CSTPP1: variants seen among roughly 807,000 people sequenced by gnomAD.
CSTPP1 encodes the protein UPF0705 protein C11orf49.
At chr11:46,993,337 G>T in the CSTPP1 span, among the ~76,000 whole-genome samples, 7 of 151,608 alleles carry the variant, frequency 4.6e-5, no homozygotes, top group Admixed American at 4.6e-4. Context: ...GAATGGTATT[G>T]CCTAGGTTTT....
At chr11:47,046,904 CTTT>C in the CSTPP1 span, among the ~76,000 whole-genome samples, 3 of 112,210 alleles carry the variant, frequency 2.7e-5, no homozygotes, top group Non-Finnish European at 3.9e-5. Flanking sequence ...AATTTCTTTT[CTTT>C]TTTTTTTTTT....
the CSTPP1 span, among the ~76,000 whole-genome samples, chr11:47,045,612 TGATTATGGATCTTATTAAAG>T: frequency 1.3e-5 from 2 of 152,162 alleles, no homozygotes; most frequent in African/African-American, 4.8e-5. Context: ...TTCAGATAAG[TGATTATGGATCTTATTAAAG>T]GATTATGGAT....
At chr11:47,005,949 A>G in the CSTPP1 span, among the ~76,000 whole-genome samples, 3 of 152,160 alleles carry the variant, frequency 2.0e-5, no homozygotes, top group African/African-American at 2.4e-5. Flanking sequence ...AGCGTTCTAG[A>G]TACTAGGGAT....
chr11:47,000,910 C>T, the CSTPP1 span, among the ~76,000 whole-genome samples: 2 of 152,092 alleles, frequency 1.3e-5, no homozygotes, highest in African/African-American at 4.8e-5. Flanking sequence ...TTAGTATTAT[C>T]CTCATTTTAC....
chr11:46,981,203 T>G, the CSTPP1 span, among the ~76,000 whole-genome samples: 1 of 151,472 alleles, frequency 6.6e-6, no homozygotes, highest in African/African-American at 2.4e-5. Context: ...TTGGGAACTA[T>G]CAAAAAGGTA....
At chr11:47,150,175 C>T in the CSTPP1 span, among the ~76,000 whole-genome samples, 2 of 152,082 alleles carry the variant, frequency 1.3e-5, no homozygotes, top group Non-Finnish European at 1.5e-5. Flanking sequence ...ACTGTCCAGA[C>T]CTGAAGGTAG....
At chr11:47,099,337 C>T in the CSTPP1 span, among the ~76,000 whole-genome samples, 1 of 152,194 alleles carries the variant, frequency 6.6e-6, no homozygotes, top group Non-Finnish European at 1.5e-5. Context: ...TCTGAATTTT[C>T]CCATTTAGTC....
At chr11:46,963,969 T>C in the CSTPP1 span, among the ~76,000 whole-genome samples, 1 of 152,086 alleles carries the variant, frequency 6.6e-6, no homozygotes, top group Admixed American at 6.5e-5. Context: ...AAATGTATAA[T>C]TAAAATAATA....
chr11:46,956,450 A>G, the CSTPP1 span, among the ~76,000 whole-genome samples: 16 of 152,350 alleles, frequency 1.1e-4, 1 homozygote, highest in African/African-American at 3.1e-4. Context: ...TAGGCCACCT[A>G]GCAATCAACT....
chr11:47,086,237 A>AAAATAC, the CSTPP1 span, among the ~76,000 whole-genome samples: 46 of 132,716 alleles, frequency 3.5e-4, no homozygotes, highest in South Asian at 6.9e-3. Flanking sequence ...AAAAATCCAA[A>AAAATAC]AAAAAAAAAA....
At chr11:47,123,883 C>T in the CSTPP1 span, among the ~76,000 whole-genome samples, 2 of 151,824 alleles carry the variant, frequency 1.3e-5, no homozygotes, top group Non-Finnish European at 2.9e-5. Context: ...ACCCGGGAGG[C>T]GGACGTTGCA....
the CSTPP1 span, among the ~76,000 whole-genome samples, chr11:47,145,536 C>T: frequency 3.9e-5 from 6 of 152,084 alleles, no homozygotes; most frequent in African/African-American, 1.2e-4. Flanking sequence ...TGCTTGAACC[C>T]GGGAGGCAGA....
chr11:47,111,638 C>G, the CSTPP1 span, among the ~76,000 whole-genome samples: 1 of 152,130 alleles, frequency 6.6e-6, no homozygotes, highest in Non-Finnish European at 1.5e-5. Flanking sequence ...TTTCTGAGCA[C>G]CTGCAGAGAA....
the CSTPP1 span, among the ~76,000 whole-genome samples, chr11:46,973,769 C>CTGGAGGG: frequency 8.7e-6 from 1 of 114,488 alleles, no homozygotes; most frequent in Non-Finnish European, 1.7e-5. Context: ...GGTATGTATA[C>CTGGAGGG]TGGAGGGTGT....
At chr11:46,981,901 G>A in the CSTPP1 span, among the ~76,000 whole-genome samples, 1 of 151,992 alleles carries the variant, frequency 6.6e-6, no homozygotes, top group Admixed American at 6.6e-5. Context: ...ATGACAAAAT[G>A]TTTCACAAGA....
the CSTPP1 span, among the ~76,000 whole-genome samples, chr11:46,992,566 T>C: frequency 6.6e-6 from 1 of 152,086 alleles, no homozygotes; most frequent in Non-Finnish European, 1.5e-5. Flanking sequence ...AAGGACATGA[T>C]CTCATCCTTT....
the CSTPP1 span, among the ~76,000 whole-genome samples, chr11:47,126,020 A>C: frequency 5.9e-5 from 9 of 152,032 alleles, no homozygotes; most frequent in Admixed American, 4.6e-4. Context: ...CTGTCTCAAA[A>C]AAAAAAAAAA....
chr11:46,990,291 C>A, the CSTPP1 span, among the ~76,000 whole-genome samples: 1 of 152,150 alleles, frequency 6.6e-6, no homozygotes, highest in Admixed American at 6.6e-5. Flanking sequence ...AGCAGCCTTG[C>A]CAGCATCTGT....
chr11:47,027,763 C>T, the CSTPP1 span, among the ~76,000 whole-genome samples: 3 of 152,144 alleles, frequency 2.0e-5, no homozygotes, highest in African/African-American at 7.2e-5. Flanking sequence ...TAGACAGTAA[C>T]TTAAGATTGA....
Sources: gnomAD v4.1 joint callset for allele counts (sites outside exome capture counted in the v4.1 genomes callset) on GRCh38, gnomAD v4.1.1 for gene constraint, MANE v1.5 for transcripts, NCBI Gene and HGNC (gene_info 2026-07-23, HGNC 2026-07-21) for gene names.